Variants in DDX3Y observed in about 807,000 individuals in gnomAD.
DDX3Y encodes the protein DEAD-box helicase 3 Y-linked.
Under a neutral mutation model 15.1 loss-of-function variants are expected in DDX3Y, and 2 were observed. The observed-to-expected ratio is 0.13, with a 90% CI of 0.05 to 0.42. The LOEUF is 0.42. DDX3Y is among the 10% of genes least tolerant of loss of function. DDX3Y has a pLI of 0.99. For synonymous variants in DDX3Y, 47 were observed against 45.0 expected (o/e 1.04, Z -0.18); for missense variants, 81 against 149.9 (o/e 0.54, Z 2.40).
intron 2 of DDX3Y, among the ~76,000 whole-genome samples, chrY:12,908,624 A>G (rs2053618440): frequency 2.9e-5 from 1 of 34,100 alleles, no homozygotes; most frequent in East Asian, 7.7e-4. Context: ...TTTCCAGATC[A>G]TTTTCACTTT....
At chrY:12,906,371 C>T in intron 1 of DDX3Y, among the ~76,000 whole-genome samples, 3 of 33,669 alleles carry the variant, frequency 8.9e-5, no homozygotes, top group Admixed American at 2.7e-4. Flanking sequence ...TATTTTTCCA[C>T]TGACGACGTA....
chrY:12,904,742 G>C, upstream of DDX3Y: 3 of 159,197 alleles, frequency 1.9e-5, no homozygotes, highest in East Asian at 1.2e-4. Flanking sequence ...TAGCGATAAA[G>C]GGATTGGGTG....
In DDX3Y at chrY:12,916,319, G is replaced by T; in HGVS notation, c.1368G>T (p.Glu456Asp). 2.5e-6 allele frequency: 1 copy of T among 398,589 alleles called. No homozygotes were observed. Among genetic ancestry groups the T allele is most frequent in the Non-Finnish European group, 3.5e-6 (1 of 283,398 alleles). The change falls in exon 13 of 17, where the codon GAG (glutamate) becomes GAT (aspartate). Residue 456 changes from glutamate to aspartate, a missense_variant. Transcript: ENST00000336079. ...CCAAAAAGGGAGCAGATTCCCTGGAGGATTTCTTATACCATGAAGGATATG... is the reference window on the plus strand; with the variant it reads ...CCAAAAAGGGAGCAGATTCCCTGGATGATTTCTTATACCATGAAGGATATG... ...VETKKGADSL[E>D]DFLYHEGYAC...
chrY:12,911,765 A>G (rs2053628903), intron 3 of DDX3Y, 74 bp from the exon 4 acceptor site: 1 of 311,273 alleles, frequency 3.2e-6, no homozygotes, highest in Non-Finnish European at 4.7e-6. Flanking sequence ...CTACATGTGA[A>G]GGACTTCATA....
At chrY:12,914,529 T>C in intron 7 of DDX3Y, 35 bp from the exon 8 acceptor site, 1 of 311,680 alleles carries the variant, frequency 3.2e-6, no homozygotes. Flanking sequence ...CATCTGTTAA[T>C]ATTCAGAAAT....
At chrY:12,906,598 A>G in intron 1 of DDX3Y, among the ~76,000 whole-genome samples, 1 of 33,581 alleles carries the variant, frequency 3.0e-5, no homozygotes, top group Admixed American at 2.7e-4. Context: ...ATGTAATGTG[A>G]TAGTATCTTG....
intron 2 of DDX3Y, among the ~76,000 whole-genome samples, chrY:12,908,475 A>G (rs2053617949): frequency 2.9e-5 from 1 of 34,444 alleles, no homozygotes; most frequent in Non-Finnish European, 7.3e-5. Flanking sequence ...ATTTAGTTAA[A>G]TCCAAAAGTA....
chrY:12,909,829 T>C, intron 3 of DDX3Y: 1 of 32,816 alleles, frequency 3.0e-5, no homozygotes, highest in Non-Finnish European at 7.4e-5. Context: ...TTTGGCCACA[T>C]CCAATAAGCT....
rs370942118 is a variant in DDX3Y at position 12,913,728 on chromosome Y, T to C, written c.548T>C (p.Ile183Thr). The change falls in exon 7 of 17, where the codon ATT (isoleucine) becomes ACT (threonine). Residue 183 changes from isoleucine (I) to threonine (T), a missense_variant. Ile to Thr is a moderately conservative substitution (Grantham distance 89). Coordinates refer to ENST00000336079, the MANE Select transcript of DDX3Y (RefSeq NM_004660.5). The stretch of plus-strand genomic sequence containing the variant: ...TAAATTTCTTGGCAGTTTAGCGATA[T>C]TGACATGGGAGAAATTATCATGGGG... The part of the protein sequence containing the change: ...CPPHIENFSD[I>T]DMGEIIMGNI... 4 of 397,966 alleles carry C rather than the reference T, an allele frequency of 1.0e-5. No individual in the cohort carries two copies. Among genetic ancestry groups the C allele is most frequent in the Non-Finnish European group, 1.4e-5 (4 of 282,778 alleles).
At position 12,920,336 on chromosome Y, in the gene DDX3Y, TAAA is replaced by T. The variant is rs2053663633; in HGVS notation, c.*2215_*2217del. On this transcript the variant is annotated 3_prime_UTR_variant, in exon 17 of 17. Transcript: ENST00000336079. ...TCAGCCAGCAGTATTCTTCAGTAAA[TAAA>T]GAATGGAATTGCTGAATGTAATCAT... The T allele has an allele frequency of 2.9e-5, 1 of 34,063 alleles. No individual in the cohort carries two copies. The highest frequency in any genetic ancestry group is 7.3e-5 in the Non-Finnish European group (1 of 13,654). 8.5% of individuals were successfully genotyped at this position (34,063 alleles called of 400,897 possible). A position where few individuals can be genotyped will look rare whatever the true frequency, so the allele number is the denominator to read the frequency against.
intron 1 of DDX3Y, chrY:12,905,934 G>T: frequency 1.1e-5 from 1 of 94,091 alleles, no homozygotes; most frequent in Non-Finnish European, 2.3e-5. Context: ...GATACATGCA[G>T]AAGTCGTCCG....
At position 12,918,361 on chromosome Y, in the gene DDX3Y, T is replaced by G; in HGVS notation, c.*239T>G. 1 of 73,317 alleles carries G rather than the reference T, an allele frequency of 1.4e-5. No homozygotes were observed. Among genetic ancestry groups the G allele is most frequent in the Non-Finnish European group, 2.7e-5 (1 of 37,217 alleles). 18.3% of individuals were successfully genotyped at this position (73,317 alleles called of 400,897 possible). A position where few individuals can be genotyped will look rare whatever the true frequency, so the allele number is the denominator to read the frequency against. On this transcript the variant is annotated 3_prime_UTR_variant, in exon 17 of 17. Transcript: ENST00000336079. ...AGTTTGGATTAAACTCTTCCCCTCC[T>G]GCTTTAGTGCCACCCCAAACTGCAT... is the stretch of plus-strand genomic sequence containing the variant.
At chrY:12,906,011 C>T (rs1278211185) in intron 1 of DDX3Y, among the ~76,000 whole-genome samples, 1 of 33,295 alleles carries the variant, frequency 3.0e-5, no homozygotes, top group Non-Finnish European at 7.4e-5. Flanking sequence ...CTTGTTATCG[C>T]CGAAGGATTG....
In DDX3Y at chrY:12,913,014, T is replaced by C; in HGVS notation, c.489T>C (p.Asp163=). 1 of 398,155 alleles carries C rather than the reference T, an allele frequency of 2.5e-6. No homozygotes were observed. The highest frequency in any genetic ancestry group is 7.4e-5 in the Admixed American group (1 of 13,482). ...GGATTAACTTTGAGAAATATGATGATATACCAGTAGAGGCAACCGGCAGTA... is the reference window on the plus strand; with the variant it reads ...GGATTAACTTTGAGAAATATGATGACATACCAGTAGAGGCAACCGGCAGTA... ...NTGINFEKYD[D]IPVEATGSNC... Residue 163 remains aspartate, a synonymous_variant, in exon 6 of 17, where the codon GAT becomes GAC. Coordinates refer to ENST00000336079, the MANE Select transcript of DDX3Y (RefSeq NM_004660.5).
intron 2 of DDX3Y, among the ~76,000 whole-genome samples, chrY:12,908,667 T>C (rs9341290): frequency 4.3e-3 from 146 of 34,155 alleles, no homozygotes; most frequent in African/African-American, 0.015. Context: ...GGTATCACTT[T>C]AATCTACCAG....
At chrY:12,917,092 A>G in intron 15 of DDX3Y, 32 bp downstream of exon 15, 1 of 381,755 alleles carries the variant, frequency 2.6e-6, no homozygotes, top group Non-Finnish European at 3.7e-6. Context: ...CACTCTTGTT[A>G]TTGCTTACTA....
rs1475489763 is a variant in DDX3Y at position 12,916,504 on chromosome Y, G to T, written c.1492-13G>T. The T allele has an allele frequency of 3.1e-5, 12 of 392,036 alleles. No individual in the cohort carries two copies. The highest frequency in any genetic ancestry group is 4.3e-5 in the Non-Finnish European group (12 of 279,557). On this transcript the variant is annotated splice_polypyrimidine_tract_variant and intron_variant, in intron 13 of 16. Transcript: ENST00000336079. The stretch of plus-strand genomic sequence containing the variant: ...ATAGTGCTTTTTTTTTTTAAAAGAA[G>T]TTAATTTTTCAGGTGGCAGCACGAG...
intron 4 of DDX3Y, 42 bp downstream of exon 4, chrY:12,912,010 A>G (rs1318464660): frequency 3.5e-6 from 1 of 286,233 alleles, no homozygotes; most frequent in Admixed American, 7.5e-5. Context: ...AAATTTAGAA[A>G]TTTTAATTTG....
rs765314448 is a variant in DDX3Y at position 12,915,909 on chromosome Y, A to C, written c.1191A>C (p.Glu397Asp). The C allele has an allele frequency of 1.3e-5, 5 of 396,804 alleles. No individual in the cohort carries two copies. In the African/African-American group the frequency reaches 3.2e-4, roughly 25 times the overall value. ...TGCTTGCTCGTGACTTTTTGGATGA[A>C]TATATCTTTTTGGCTGTAGGCAGAG... Reference protein sequence around the residue: ...IQMLARDFLDEYIFLAVGRVG... With the variant: ...IQMLARDFLDDYIFLAVGRVG... Residue 397 changes from glutamate (E) to aspartate (D), a missense_variant, in exon 12 of 17, where the codon GAA becomes GAC. Glu to Asp is a conservative substitution (Grantham distance 45). Coordinates refer to ENST00000336079, the MANE Select transcript of DDX3Y (RefSeq NM_004660.5).
Sources: gnomAD v4.1 joint callset for allele counts (sites outside exome capture counted in the v4.1 genomes callset) on GRCh38, gnomAD v4.1.1 for gene constraint, MANE v1.5 for transcripts, NCBI Gene and HGNC (gene_info 2026-07-23, HGNC 2026-07-21) for gene names.